TBC1D9B: variants seen among roughly 807,000 people sequenced by gnomAD.
The protein encoded by TBC1D9B is TBC1 domain family member 9B, also known as TBC1 domain family, member 9B (with GRAM domain).
Under a neutral mutation model 121.1 loss-of-function variants are expected in TBC1D9B, and 87 were observed. The ratio of observed to expected loss-of-function variants is 0.72; its 90% CI spans 0.60 to 0.86. The LOEUF (loss-of-function observed/expected upper bound fraction) is 0.86. Among genes scored for constraint, TBC1D9B ranks in the 40% least tolerant of loss-of-function variants. The pLI is 0.00. For missense variants in TBC1D9B, 1,540 were observed against 1,628.6 expected, an observed-to-expected ratio of 0.95 and a Z score of 0.94; for synonymous variants, 668 against 670.1, an observed-to-expected ratio of 1.00 and a Z score of 0.05.
Position 179,899,231 on chromosome 5 carries a change from G to A in TBC1D9B, c.306C>T (p.Asp102=). The change falls in exon 3 of 21, where the codon GAC becomes GAT. Residue 102 remains aspartate (D), a synonymous_variant. Coordinates refer to ENST00000355235, the MANE Select transcript of TBC1D9B (RefSeq NM_015043.4). The part of the protein sequence containing the change: ...NNLLQTLSIF[D]SEEDITTFVK... ...CGAAGGTGGTGATATCTTCCTCACT[G>A]TCGAAGATGGACAGTGTCTGGAGCA... The A allele has an allele frequency of 6.2e-7, 1 of 1,613,922 alleles. No individual in the cohort carries two copies. The highest frequency in any genetic ancestry group is 8.5e-7 in the Non-Finnish European group (1 of 1,179,978).
rs2303675 is a variant in TBC1D9B, at chr5:179,872,690, C to T, written c.2415+202G>A. 354 of 585,026 alleles carry T rather than the reference C, an allele frequency of 6.1e-4. 5 individuals carry two copies. The East Asian group carries it at 1.0e-2, about 16-fold the overall frequency. 36.2% of individuals were successfully genotyped at this position (585,026 alleles called of 1,614,324 possible). On this transcript the variant is annotated intron_variant, in intron 14 of 20. Coordinates refer to ENST00000355235, the MANE Select transcript of TBC1D9B (RefSeq NM_015043.4). Reference sequence around the variant, plus strand: ...AGAAGCTTCCCGGTGACACATCCACCAGCAGAGAAAAGTGACTGGAACCTC... The same window carrying T: ...AGAAGCTTCCCGGTGACACATCCACTAGCAGAGAAAAGTGACTGGAACCTC...
At position 179,876,008 on chromosome 5, in the gene TBC1D9B, C is replaced by CT; in HGVS notation, c.1811_1812insA (p.Leu605AlafsTer5). On this transcript the variant is annotated frameshift_variant, in exon 11 of 21. Coordinates refer to ENST00000355235, the MANE Select transcript of TBC1D9B (RefSeq NM_015043.4). LOFTEE classifies it high-confidence loss of function. ...AGGCCTCCTCCTCACTGCCATAGAG[C>CT]AGGAGCACCGAGGTCACGATGTTCA... 1 of 1,612,926 alleles carries CT rather than the reference C, an allele frequency of 6.2e-7. No homozygotes were observed. Among genetic ancestry groups the CT allele is most frequent in the Non-Finnish European group, 8.5e-7 (1 of 1,179,658 alleles).
At chr5:179,901,613 A>C (rs1761169154) in intron 2 of TBC1D9B, among the ~76,000 whole-genome samples, 1 of 152,144 alleles carries the variant, frequency 6.6e-6, no homozygotes, top group Admixed American at 6.5e-5. Context: ...GGCTGTCTCT[A>C]CAAAAAATAG....
chr5:179,873,882 G>A (rs924567420), intron 12 of TBC1D9B, among the ~76,000 whole-genome samples: 4 of 152,164 alleles, frequency 2.6e-5, no homozygotes, highest in Admixed American at 2.6e-4. Context: ...TCTGGAGGAG[G>A]CCCTATCCGC....
Position 179,868,056 on chromosome 5 carries a change from T to TC in TBC1D9B, c.2792-208_2792-207insG. 9 of 426,120 alleles carry TC rather than the reference T, an allele frequency of 2.1e-5. No homozygotes were observed. In the South Asian group the frequency reaches 2.4e-4, roughly 11 times the overall value. 26.4% of individuals were successfully genotyped at this position (426,120 alleles called of 1,614,324 possible). ...GTTACTTTCCTCAGCTTTTTTTTTT[T>TC]TAATGGACTCTCACTTTATCACCCA... is the stretch of plus-strand genomic sequence containing the variant. On this transcript the variant is annotated intron_variant, in intron 17 of 20. Coordinates refer to ENST00000355235, the MANE Select transcript of TBC1D9B (RefSeq NM_015043.4).
At chr5:179,869,358 G>C in intron 17 of TBC1D9B, 1 of 364,776 alleles carries the variant, frequency 2.7e-6, no homozygotes, top group African/African-American at 2.1e-5. Flanking sequence ...CCAGAGAGAA[G>C]TGGCCCCTCC....
Position 179,875,323 on chromosome 5 carries a change from G to A in TBC1D9B, c.1901-136C>T. 1.7e-6 allele frequency: 2 copies of A among 1,153,466 alleles called. No homozygotes were observed. The highest frequency in any genetic ancestry group is 2.4e-6 in the Non-Finnish European group (2 of 839,058). 71.5% of individuals were successfully genotyped at this position (1,153,466 alleles called of 1,614,324 possible). ...GGGCTGAGGGAGACTTGGAGTGCTG[G>A]GAGAAAACAAGGACGAAAAAACCCT... On this transcript the variant is annotated intron_variant, in intron 11 of 20. Coordinates refer to ENST00000355235, the MANE Select transcript of TBC1D9B (RefSeq NM_015043.4). The surrounding 1 kb of genome is among the most constrained non-coding windows in gnomAD (Gnocchi z 4.5).
chr5:179,899,106 A>G (rs1037873360), intron 3 of TBC1D9B, 83 bp downstream of exon 3: 10 of 1,171,118 alleles, frequency 8.5e-6, no homozygotes, highest in Admixed American at 2.0e-5. Context: ...CGCACCCTAC[A>G]TCGTGAAGAT....
chr5:179,863,808 G>GC lies in TBC1D9B; in HGVS notation c.3341dup (p.Ser1115GlnfsTer14). ...AGGGTGAGCCCTGTCCCTCGCCGCTGCCCCCCTCCACCACCACCTGGCTCT... is the reference window on the plus strand; with the variant it reads ...AGGGTGAGCCCTGTCCCTCGCCGCTGCCCCCCCTCCACCACCACCTGGCTCT... On this transcript the variant is annotated frameshift_variant, in exon 21 of 21. Coordinates refer to ENST00000355235, the MANE Select transcript of TBC1D9B (RefSeq NM_015043.4). LOFTEE classifies it low-confidence loss of function (END_TRUNC). This position sits in a 1 kb window ranked among gnomAD's most constrained non-coding sequence, Gnocchi z 4.5. 2 of 1,613,586 alleles carry GC rather than the reference G, an allele frequency of 1.2e-6. No individual in the cohort carries two copies. Among genetic ancestry groups the GC allele is most frequent in the Non-Finnish European group, 8.5e-7 (1 of 1,179,960 alleles).
chr5:179,897,732 T>C (rs1395377017), intron 3 of TBC1D9B, among the ~76,000 whole-genome samples: 1 of 152,268 alleles, frequency 6.6e-6, no homozygotes, highest in Non-Finnish European at 1.5e-5. Flanking sequence ...CAGTGAATAA[T>C]GTCACAACTA....
intron 14 of TBC1D9B, chr5:179,872,670 C>G: frequency 1.8e-6 from 1 of 565,298 alleles, no homozygotes; most frequent in Non-Finnish European, 3.1e-6. Context: ...ATCTGAGAAG[C>G]TTCCCGGTGA....
At chr5:179,870,644 C>G in intron 15 of TBC1D9B, 149 bp from the exon 16 acceptor site, 1 of 1,219,138 alleles carries the variant, frequency 8.2e-7, no homozygotes, top group African/African-American at 1.5e-5. Flanking sequence ...CAGCACCTCC[C>G]GAAAGCTCTC....
In TBC1D9B at chr5:179,890,527, A is replaced by G. The variant is rs1190245594; in HGVS notation, c.1044+852T>C. Among the ~76,000 whole-genome samples, 1 of 152,188 alleles carries G rather than the reference A, an allele frequency of 6.6e-6. No homozygotes were observed. Among genetic ancestry groups the G allele is most frequent in the Non-Finnish European group, 1.5e-5 (1 of 68,026 alleles). ...AGCTTTTGGAGCTGTGGCTCTTCTG[A>G]GTTCCTTCCCTCTGACTTCCCTTGG... On this transcript the variant is annotated intron_variant, in intron 6 of 20. Coordinates refer to ENST00000355235, the MANE Select transcript of TBC1D9B (RefSeq NM_015043.4). The surrounding 1 kb of genome is among the most constrained non-coding windows in gnomAD (Gnocchi z 5.0).
rs907535304 is a variant in TBC1D9B at position 179,874,626 on chromosome 5, T to C, written c.2186+276A>G. Among the ~76,000 whole-genome samples the C allele has an allele frequency of 2.0e-5, 3 of 152,152 alleles. No homozygotes were observed. Among genetic ancestry groups the C allele is most frequent in the African/African-American group, 7.2e-5 (3 of 41,430 alleles). On this transcript the variant is annotated intron_variant, in intron 12 of 20. Coordinates refer to ENST00000355235, the MANE Select transcript of TBC1D9B (RefSeq NM_015043.4). The surrounding 1 kb of genome is among the most constrained non-coding windows in gnomAD (Gnocchi z 4.3). Reference sequence around the variant, plus strand: ...ACTGGATCTTGGCTCTGGTTTGCCCTCAGGGGAAGCATCTCCAACCCTACA... The same window carrying C: ...ACTGGATCTTGGCTCTGGTTTGCCCCCAGGGGAAGCATCTCCAACCCTACA...
Position 179,862,348 on chromosome 5 carries a change from C to CA in TBC1D9B, c.*1099dup, listed in dbSNP as rs1759866894. ...CACTGGTCAGTTTCAGCTCCTCATG[C>CA]AAAGTGAGGGTATCCTTGTGGCTCC... On this transcript the variant is annotated 3_prime_UTR_variant, in exon 21 of 21. Coordinates refer to ENST00000355235, the MANE Select transcript of TBC1D9B (RefSeq NM_015043.4). 3.1e-6 allele frequency: 1 copy of CA among 327,518 alleles called. No homozygotes were observed. The highest frequency in any genetic ancestry group is 3.7e-5 in the Admixed American group (1 of 26,774). The allele number at this position is 327,518 out of a possible 1,614,324, so 20.3% of individuals were successfully genotyped here.
chr5:179,899,205 A>T lies in TBC1D9B; in HGVS notation c.332T>A (p.Val111Asp). ...AAACCTTACGTGTATCTTGCCCTTGACGAAGGTGGTGATATCTTCCTCACT... is the reference window on the plus strand; with the variant it reads ...AAACCTTACGTGTATCTTGCCCTTGTCGAAGGTGGTGATATCTTCCTCACT... ...FDSEEDITTF[V>D]KGKIHGIIAE... The change falls in exon 3 of 21, where the codon GTC (valine) becomes GAC (aspartate). Residue 111 changes from valine to aspartate, a missense_variant. Physicochemically the swap from Val to Asp is radical, Grantham distance 152. Coordinates refer to ENST00000355235, the MANE Select transcript of TBC1D9B (RefSeq NM_015043.4). 1.9e-6 allele frequency: 3 copies of T among 1,612,616 alleles called. No homozygotes were observed. In the South Asian group the frequency reaches 3.3e-5, roughly 18 times the overall value.
intron 3 of TBC1D9B, among the ~76,000 whole-genome samples, chr5:179,894,902 AC>A (rs1760978962): frequency 6.6e-6 from 1 of 152,192 alleles, no homozygotes; most frequent in African/African-American, 2.4e-5. Context: ...TCACTCTGTC[AC>A]CCAAGCTGGA....
At chr5:179,870,206 G>A (rs1582076709) in intron 16 of TBC1D9B, 49 bp downstream of exon 16, 6 of 1,601,696 alleles carry the variant, frequency 3.7e-6, no homozygotes, top group Non-Finnish European at 5.1e-6. Flanking sequence ...GGCTTCCTGG[G>A]AAAGGGTGAG....
chr5:179,872,825 T>C, intron 14 of TBC1D9B, 67 bp downstream of exon 14: 1 of 1,512,194 alleles, frequency 6.6e-7, no homozygotes, highest in Non-Finnish European at 9.1e-7. Flanking sequence ...GTACCCACCC[T>C]GCTCTGTGGG....
Sources: gnomAD v4.1 joint callset for allele counts (sites outside exome capture counted in the v4.1 genomes callset) on GRCh38, gnomAD v4.1.1 for gene constraint, Gnocchi (gnomAD v3.1) non-coding constraint, MANE v1.5 for transcripts, NCBI Gene and HGNC (gene_info 2026-07-23, HGNC 2026-07-21) for gene names.